Variants in CSMD1 observed in about 807,000 individuals in gnomAD.
The protein encoded by CSMD1 is CUB and sushi domain-containing protein 1.
CSMD1 carries 213 observed loss-of-function variants against 417.5 expected under a neutral mutation model. The ratio of observed to expected loss-of-function variants is 0.51; its 90% CI spans 0.46 to 0.57. CSMD1 has a LOEUF of 0.57. Among genes scored for constraint, CSMD1 ranks in the 20% least tolerant of loss-of-function variants. The pLI is 0.00. For missense variants in CSMD1, 6,923 were observed against 4,529.7 expected, an observed-to-expected ratio of 1.53 and a Z score of -15.17; for synonymous variants, 2,862 against 1,736.8, an observed-to-expected ratio of 1.65 and a Z score of -16.11.
At chr8:4,942,594 G>A (rs979372555) in intron 1 of CSMD1, among the ~76,000 whole-genome samples, 1 of 152,004 alleles carries the variant, frequency 6.6e-6, no homozygotes, top group Non-Finnish European at 1.5e-5. Flanking sequence ...TAATGACTAA[G>A]TCATCAAGAA....
At chr8:3,891,504 A>T (rs1246500945) in intron 5 of CSMD1, among the ~76,000 whole-genome samples, 2 of 151,816 alleles carry the variant, frequency 1.3e-5, no homozygotes, top group African/African-American at 4.8e-5. Context: ...ACATAACAAG[A>T]CCCCATGCCT....
intron 43 of CSMD1, among the ~76,000 whole-genome samples, chr8:3,109,188 C>G (rs1425499018): frequency 6.6e-6 from 1 of 152,174 alleles, no homozygotes; most frequent in Non-Finnish European, 1.5e-5. Flanking sequence ...TTGCTTGAAC[C>G]CAGGAGGCGC....
At chr8:4,829,825 C>A (rs146649540) in intron 1 of CSMD1, among the ~76,000 whole-genome samples, 1 of 151,882 alleles carries the variant, frequency 6.6e-6, no homozygotes, top group East Asian at 1.9e-4. Flanking sequence ...AAGAAGCAGT[C>A]AGTGATCGCT....
At chr8:4,893,214 G>A (rs1172273004) in intron 1 of CSMD1, among the ~76,000 whole-genome samples, 1 of 151,956 alleles carries the variant, frequency 6.6e-6, no homozygotes, top group South Asian at 2.1e-4. Context: ...TAGTTGTATT[G>A]GTATCTGAAT....
chr8:4,257,360 C>G (rs1207817231), intron 3 of CSMD1, among the ~76,000 whole-genome samples: 4 of 152,020 alleles, frequency 2.6e-5, no homozygotes, highest in Non-Finnish European at 5.9e-5. Context: ...GAATAATTTT[C>G]TCCTTTAGAA....
rs377082969 is a variant in CSMD1 at position 3,753,987 on chromosome 8, G to C, written c.874C>G (p.Leu292Val). The change falls in exon 6 of 70, where the codon CTC (leucine) becomes GTC (valine). Residue 292 changes from leucine to valine, a missense_variant. Coordinates refer to ENST00000635120, the MANE Select transcript of CSMD1 (RefSeq NM_033225.6). Reference protein sequence around the residue: ...PVISSKNWLRLHFTSDSNHRR... With the variant: ...PVISSKNWLRVHFTSDSNHRR... Reference sequence around the variant, plus strand: ...TGGTTGCTGTCAGAGGTGAAATGGAGTCGTAGCCAATTCTTGCTACTGATA... The same window carrying C: ...TGGTTGCTGTCAGAGGTGAAATGGACTCGTAGCCAATTCTTGCTACTGATA... 1.9e-6 allele frequency: 3 copies of C among 1,613,192 alleles called. No individual in the cohort carries two copies. Among genetic ancestry groups the C allele is most frequent in the Admixed American group, 3.3e-5 (2 of 59,988 alleles).
At chr8:4,697,730 A>G (rs74702410) in intron 1 of CSMD1, among the ~76,000 whole-genome samples, 4,371 of 152,260 alleles carry the variant, frequency 0.029, 205 homozygotes, top group African/African-American at 0.091. Flanking sequence ...TTAGTTAATA[A>G]CTCAAAGTAA....
At position 3,806,081 on chromosome 8, in the gene CSMD1, G is replaced by C. The variant is rs568291808; in HGVS notation, c.819-52039C>G. Among the ~76,000 whole-genome samples the C allele has an allele frequency of 2.1e-3, 318 of 152,196 alleles. 1 individual carries two copies. The highest frequency in any genetic ancestry group is 7.5e-3 in the African/African-American group (311 of 41,516). ...ATTTATAATTGGACAAAAATTGTTG[G>C]TTTAGTGGTCTCCAATATGCCTTTT... On this transcript the variant is annotated intron_variant, in intron 5 of 69. Coordinates refer to ENST00000635120, the MANE Select transcript of CSMD1 (RefSeq NM_033225.6).
intron 1 of CSMD1, among the ~76,000 whole-genome samples, chr8:4,927,954 C>T (rs73510052): frequency 6.6e-6 from 1 of 152,166 alleles, no homozygotes; most frequent in Admixed American, 6.5e-5. Flanking sequence ...CACTACATCT[C>T]CAGTGATTCT....
At chr8:4,404,101 G>A (rs1356316431) in intron 3 of CSMD1, among the ~76,000 whole-genome samples, 2 of 152,154 alleles carry the variant, frequency 1.3e-5, no homozygotes, top group Non-Finnish European at 2.9e-5. Context: ...TTTAGGGAAT[G>A]GTATTTCTCC....
intron 3 of CSMD1, among the ~76,000 whole-genome samples, chr8:4,373,015 G>A (rs998765021): frequency 2.6e-5 from 4 of 152,190 alleles, no homozygotes; most frequent in Admixed American, 6.5e-5. Context: ...GCTAGCATCA[G>A]CAGTGATGAT....
intron 1 of CSMD1, among the ~76,000 whole-genome samples, chr8:4,977,232 A>C (rs1810611423): frequency 6.6e-6 from 1 of 152,214 alleles, no homozygotes; most frequent in Non-Finnish European, 1.5e-5. Flanking sequence ...CCTTCAATAA[A>C]AGCCAAGTGA....
intron 3 of CSMD1, among the ~76,000 whole-genome samples, chr8:4,246,292 G>C (rs962775395): frequency 1.3e-5 from 2 of 152,022 alleles, no homozygotes; most frequent in Non-Finnish European, 2.9e-5. Flanking sequence ...TCTGTTCCTG[G>C]GTTAGTTTGC....
chr8:3,877,423 T>G (rs1191064111), intron 5 of CSMD1, among the ~76,000 whole-genome samples: 1 of 151,966 alleles, frequency 6.6e-6, no homozygotes, highest in East Asian at 1.9e-4. Flanking sequence ...AGAAGCGGAG[T>G]CTAGCGTTCC....
chr8:3,172,190 T>C (rs1372926362), intron 37 of CSMD1, among the ~76,000 whole-genome samples: 1 of 152,184 alleles, frequency 6.6e-6, no homozygotes, highest in Non-Finnish European at 1.5e-5. Flanking sequence ...TTCAACCTTC[T>C]TTCCTTTTCT....
intron 5 of CSMD1, among the ~76,000 whole-genome samples, chr8:3,925,974 C>T (rs115225715): frequency 0.013 from 2,010 of 151,190 alleles, 48 homozygotes; most frequent in African/African-American, 0.047. Flanking sequence ...TAACCTCAGT[C>T]ACCCAATTTA....
intron 3 of CSMD1, among the ~76,000 whole-genome samples, chr8:4,206,350 C>A (rs953571034): frequency 2.9e-4 from 44 of 152,082 alleles, no homozygotes; most frequent in African/African-American, 8.9e-4. Flanking sequence ...TCCCCTCCCC[C>A]CAACCCACCA....
chr8:3,739,027 C>G (rs1332243958), intron 6 of CSMD1, among the ~76,000 whole-genome samples: 2 of 152,164 alleles, frequency 1.3e-5, no homozygotes, highest in African/African-American at 4.8e-5. Context: ...CTATGTCTTT[C>G]TTTTTTCTGT....
At chr8:3,309,402 C>G (rs1301169682) in intron 23 of CSMD1, among the ~76,000 whole-genome samples, 1 of 143,164 alleles carries the variant, frequency 7.0e-6, no homozygotes, top group Admixed American at 7.9e-5. Context: ...TGAGGAAATC[C>G]ACACAACAAC....
Sources: gnomAD v4.1 joint callset for allele counts (sites outside exome capture counted in the v4.1 genomes callset) on GRCh38, gnomAD v4.1.1 for gene constraint, MANE v1.5 for transcripts, NCBI Gene and HGNC (gene_info 2026-07-23, HGNC 2026-07-21) for gene names.